The following CTNND2 variants were observed in gnomAD, a reference collection of about 807,000 sequenced individuals.
CTNND2 encodes the protein catenin delta-2.
Under a neutral mutation model 144.4 loss-of-function variants are expected in CTNND2, and 22 were observed. The ratio of observed to expected loss-of-function variants is 0.15; its 90% confidence interval spans 0.11 to 0.22. The LOEUF (loss-of-function observed/expected upper bound fraction) is 0.22, where lower values mean the gene tolerates loss of function less well. CTNND2 is among the 10% of genes least tolerant of loss of function. The pLI, the probability that CTNND2 is intolerant of heterozygous loss-of-function variation, is 1.00. For missense variants in CTNND2, 1,353 were observed against 1,618.8 expected, an observed-to-expected ratio of 0.84 and a Z score of 2.82; for synonymous variants, 751 against 695.6, an observed-to-expected ratio of 1.08 and a Z score of -1.25.
At chr5:11,659,237 G>A (rs1431132583) in intron 2 of CTNND2, among the ~76,000 whole-genome samples, 1 of 152,054 alleles carries the variant, frequency 6.6e-6, no homozygotes, top group Non-Finnish European at 1.5e-5. Flanking sequence ...GTAATATAGA[G>A]ATGATCTGAT....
intron 3 of CTNND2, among the ~76,000 whole-genome samples, chr5:11,419,837 T>G (rs1762226071): frequency 6.6e-6 from 1 of 152,234 alleles, no homozygotes; most frequent in Non-Finnish European, 1.5e-5. Context: ...AATATACTCT[T>G]ATTGTCTTTT....
At chr5:11,172,866 T>TTCAC (rs1388498434) in intron 11 of CTNND2, among the ~76,000 whole-genome samples, 1 of 152,138 alleles carries the variant, frequency 6.6e-6, no homozygotes, top group Non-Finnish European at 1.5e-5. Context: ...GGACACTGAA[T>TTCAC]TCACTCCCTG....
intron 9 of CTNND2, among the ~76,000 whole-genome samples, chr5:11,303,927 TC>T (rs1749877464): frequency 6.6e-6 from 1 of 152,180 alleles, no homozygotes; most frequent in Admixed American, 6.5e-5. Flanking sequence ...CATACTGTTC[TC>T]ATGATAGTGA....
chr5:11,180,555 T>C (rs1223266368), intron 11 of CTNND2, among the ~76,000 whole-genome samples: 1 of 152,188 alleles, frequency 6.6e-6, no homozygotes, highest in East Asian at 1.9e-4. Context: ...CCTCACATAT[T>C]GTAGAGTCTC....
At chr5:11,104,186 T>C (rs1752187294) in intron 14 of CTNND2, among the ~76,000 whole-genome samples, 1 of 152,184 alleles carries the variant, frequency 6.6e-6, no homozygotes, top group South Asian at 2.1e-4. Context: ...ATGTGCAGGC[T>C]CACTTTCATT....
intron 9 of CTNND2, among the ~76,000 whole-genome samples, chr5:11,344,269 G>A (rs1490194629): frequency 6.6e-6 from 1 of 152,164 alleles, no homozygotes; most frequent in East Asian, 1.9e-4. Flanking sequence ...GCGGGCGCCT[G>A]TAGTCCCAGC....
intron 9 of CTNND2, among the ~76,000 whole-genome samples, chr5:11,258,014 G>C (rs186975801): frequency 1.3e-5 from 2 of 152,136 alleles, no homozygotes; most frequent in East Asian, 3.9e-4. Context: ...ACTCCTGGGG[G>C]AGAATAATGC....
At chr5:11,278,246 T>G (rs188921553) in intron 9 of CTNND2, among the ~76,000 whole-genome samples, 1 of 152,214 alleles carries the variant, frequency 6.6e-6, no homozygotes, top group Non-Finnish European at 1.5e-5. Context: ...CCCTCTTGCA[T>G]GTCTGGCCTT....
chr5:11,423,887 ATTT>A (rs560080910), intron 3 of CTNND2, among the ~76,000 whole-genome samples: 1 of 151,586 alleles, frequency 6.6e-6, no homozygotes, highest in Non-Finnish European at 1.5e-5. Context: ...TAAAGAAAAA[ATTT>A]TTTTTTTGCT....
At chr5:11,158,894 C>A (rs544360504) in intron 12 of CTNND2, among the ~76,000 whole-genome samples, 1 of 152,272 alleles carries the variant, frequency 6.6e-6, no homozygotes, top group African/African-American at 2.4e-5. Flanking sequence ...AGCACAGTTT[C>A]TAGAGTTTAG....
At chr5:11,777,865 T>C (rs934530739) in intron 1 of CTNND2, among the ~76,000 whole-genome samples, 3 of 152,206 alleles carry the variant, frequency 2.0e-5, no homozygotes, top group African/African-American at 7.2e-5. Context: ...TTTTGAGATA[T>C]CTAAATGTTT....
At chr5:11,501,959 C>T (rs905358697) in intron 3 of CTNND2, among the ~76,000 whole-genome samples, 1 of 143,056 alleles carries the variant, frequency 7.0e-6, no homozygotes, top group Admixed American at 7.5e-5. Flanking sequence ...ACCCAGCAGA[C>T]GGAGCTTGCA....
At chr5:11,616,511 TTTCCTTCCTTCCTTGC>T (rs1273286909) in intron 2 of CTNND2, among the ~76,000 whole-genome samples, 8 of 152,164 alleles carry the variant, frequency 5.3e-5, no homozygotes, top group East Asian at 1.9e-4. Flanking sequence ...TCTACCTGTT[TTTCCTTCCTTCCTTGC>T]TTCCTTCCTT....
At chr5:11,663,626 G>A (rs1783398360) in intron 2 of CTNND2, among the ~76,000 whole-genome samples, 1 of 152,054 alleles carries the variant, frequency 6.6e-6, no homozygotes, top group African/African-American at 2.4e-5. Context: ...TTCCACAGCA[G>A]TATTTAGAAA....
intron 1 of CTNND2, among the ~76,000 whole-genome samples, chr5:11,822,161 TCA>T (rs1255547230): frequency 2.0e-5 from 3 of 152,188 alleles, no homozygotes; most frequent in Non-Finnish European, 4.4e-5. Flanking sequence ...AACTTGAGAC[TCA>T]GAGATATAAA....
intron 2 of CTNND2, among the ~76,000 whole-genome samples, chr5:11,638,161 G>A (rs1020003813): frequency 4.6e-5 from 7 of 152,024 alleles, no homozygotes; most frequent in Non-Finnish European, 8.8e-5. Context: ...AATGGCTTGT[G>A]CCCATGCCTG....
chr5:11,095,474 T>C (rs530218310), intron 15 of CTNND2, among the ~76,000 whole-genome samples: 38 of 152,354 alleles, frequency 2.5e-4, no homozygotes, highest in African/African-American at 8.7e-4. Context: ...TAGTAGACAT[T>C]AATAAATAGA....
chr5:11,107,321 T>C (rs1752523158), intron 14 of CTNND2, among the ~76,000 whole-genome samples: 1 of 152,234 alleles, frequency 6.6e-6, no homozygotes, highest in Non-Finnish European at 1.5e-5. Context: ...CTGTTAAAGT[T>C]CAAATCTCCA....
At chr5:11,415,473 G>A (rs868801887) in intron 3 of CTNND2, among the ~76,000 whole-genome samples, 2 of 152,004 alleles carry the variant, frequency 1.3e-5, no homozygotes, top group Non-Finnish European at 2.9e-5. Flanking sequence ...AGGTTTGTTG[G>A]TGCGTGCCTC....
Sources: gnomAD v4.1 joint callset for allele counts (sites outside exome capture counted in the v4.1 genomes callset) on GRCh38, gnomAD v4.1.1 for gene constraint, MANE v1.5 for transcripts, NCBI Gene and HGNC (gene_info 2026-07-23, HGNC 2026-07-21) for gene names.